PTPRN2: variants seen among roughly 807,000 people sequenced by gnomAD.
The protein encoded by PTPRN2 is receptor-type tyrosine-protein phosphatase N2.
A neutral mutation model predicts 118.8 loss-of-function variants in PTPRN2; 74 were observed. The observed-to-expected ratio is 0.62, with a 90% CI of 0.52 to 0.76. The LOEUF (loss-of-function observed/expected upper bound fraction) is 0.76. PTPRN2 is among the 30% of genes least tolerant of loss of function. PTPRN2 has a pLI of 0.00. For missense variants in PTPRN2, 1,481 were observed against 1,394.4 expected (o/e 1.06, Z -0.99); for synonymous variants, 641 against 608.0 (o/e 1.05, Z -0.80).
At chr7:158,048,698 A>G (rs530798577) in intron 11 of PTPRN2, among the ~76,000 whole-genome samples, 1 of 18,438 alleles carries the variant, frequency 5.4e-5, no homozygotes, top group East Asian at 1.1e-3. Context: ...TCACATCACA[A>G]CCACCATCAC....
chr7:157,957,176 G>A (rs990455876), intron 11 of PTPRN2, among the ~76,000 whole-genome samples: 2 of 152,214 alleles, frequency 1.3e-5, no homozygotes, highest in African/African-American at 4.8e-5. Flanking sequence ...GGGGACAAGA[G>A]TCACCCAAGG....
chr7:157,998,515 T>A (rs183907747), intron 11 of PTPRN2, among the ~76,000 whole-genome samples: 12 of 152,272 alleles, frequency 7.9e-5, no homozygotes, highest in African/African-American at 2.9e-4. Context: ...GTAGACCGAA[T>A]AAGCTACCTC....
intron 10 of PTPRN2, among the ~76,000 whole-genome samples, chr7:158,103,268 T>G (rs1815392231): frequency 6.6e-6 from 1 of 152,150 alleles, no homozygotes; most frequent in South Asian, 2.1e-4. Context: ...GTGCCAAAGA[T>G]ACAGGCCTGG....
intron 4 of PTPRN2, among the ~76,000 whole-genome samples, chr7:158,194,988 T>C (rs1826094470): frequency 6.6e-6 from 1 of 152,242 alleles, no homozygotes; most frequent in South Asian, 2.1e-4. Flanking sequence ...TTAATCAACT[T>C]CTTTAAATGT....
At chr7:158,456,678 C>T (rs1350793311) in intron 2 of PTPRN2, among the ~76,000 whole-genome samples, 1 of 152,256 alleles carries the variant, frequency 6.6e-6, no homozygotes, top group Admixed American at 6.5e-5. Flanking sequence ...GTCTCCCCTG[C>T]CACCCCTCCC....
intron 2 of PTPRN2, among the ~76,000 whole-genome samples, chr7:158,432,637 T>C (rs1816304664): frequency 6.6e-6 from 1 of 152,236 alleles, no homozygotes; most frequent in African/African-American, 2.4e-5. Flanking sequence ...AATATCACTT[T>C]ACAAACTTTT....
chr7:157,558,653 C>T (rs932944640), intron 21 of PTPRN2, among the ~76,000 whole-genome samples: 1 of 152,240 alleles, frequency 6.6e-6, no homozygotes, highest in Non-Finnish European at 1.5e-5. Flanking sequence ...AGCGGGGATG[C>T]GTGAAGCATG....
intron 11 of PTPRN2, among the ~76,000 whole-genome samples, chr7:157,910,514 C>T (rs748273490): frequency 1.3e-5 from 2 of 150,468 alleles, no homozygotes; most frequent in Admixed American, 6.6e-5. Flanking sequence ...GCCGTGGGAA[C>T]GGGTCCAGGA....
chr7:158,026,757 G>A (rs1807304164), intron 11 of PTPRN2, among the ~76,000 whole-genome samples: 1 of 152,140 alleles, frequency 6.6e-6, no homozygotes, highest in African/African-American at 2.4e-5. Flanking sequence ...AGACGTACAG[G>A]ACACCGGGAG....
intron 6 of PTPRN2, among the ~76,000 whole-genome samples, chr7:158,154,897 G>T (rs1020376715): frequency 2.0e-5 from 3 of 152,170 alleles, no homozygotes; most frequent in African/African-American, 7.2e-5. Flanking sequence ...TATCTCAGAA[G>T]CATCCACTAC....
At chr7:158,270,781 C>CTG (rs1325901775) in intron 3 of PTPRN2, among the ~76,000 whole-genome samples, 2 of 115,192 alleles carry the variant, frequency 1.7e-5, no homozygotes, top group Non-Finnish European at 1.8e-5. Flanking sequence ...TCCACCTGGA[C>CTG]CACCCCTCCA....
intron 11 of PTPRN2, among the ~76,000 whole-genome samples, chr7:158,039,973 CT>C (rs1159392253): frequency 6.6e-6 from 1 of 151,804 alleles, no homozygotes; most frequent in Non-Finnish European, 1.5e-5. Context: ...TGAGGAATGC[CT>C]TTGATGGGCT....
chr7:158,208,832 A>C (rs1460045831), intron 3 of PTPRN2, among the ~76,000 whole-genome samples: 1 of 152,104 alleles, frequency 6.6e-6, no homozygotes, highest in African/African-American at 2.4e-5. Context: ...TTATCAAATA[A>C]CTCCAACAAC....
intron 12 of PTPRN2, among the ~76,000 whole-genome samples, chr7:157,809,156 G>T (rs554081527): frequency 1.3e-5 from 2 of 152,400 alleles, no homozygotes; most frequent in East Asian, 3.9e-4. Context: ...GGTTTCGAAA[G>T]CTGAGTCAGT....
rs765504802 is a variant in PTPRN2 at position 157,785,099 on chromosome 7, G to T, written c.1789-102162C>A. Among the ~76,000 whole-genome samples the T allele has an allele frequency of 3.3e-5, 5 of 152,066 alleles. No homozygotes were observed. In the South Asian group the frequency reaches 1.0e-3, roughly 32 times the overall value. On this transcript the variant is annotated intron_variant, in intron 12 of 22. Transcript: ENST00000389418. This position sits in a 1 kb window ranked among gnomAD's most constrained non-coding sequence, Gnocchi z 7.3. ...ATAGGAGTTGAACAAAGCTGTGTGT[G>T]TGTTTCCAGAATGTTGGCACAGCGG...
At chr7:158,375,149 C>T (rs1209251166) in intron 2 of PTPRN2, among the ~76,000 whole-genome samples, 1 of 152,112 alleles carries the variant, frequency 6.6e-6, no homozygotes, top group African/African-American at 2.4e-5. Context: ...AGGCAGTGGC[C>T]GGCCAGAGCA....
intron 2 of PTPRN2, among the ~76,000 whole-genome samples, chr7:158,330,332 C>T (rs369923762): frequency 2.1e-4 from 3 of 14,282 alleles, no homozygotes; most frequent in African/African-American, 1.3e-3. Context: ...GTCACTCACA[C>T]CCACACTCTC....
intron 12 of PTPRN2, among the ~76,000 whole-genome samples, chr7:157,739,914 C>G (rs1800523779): frequency 6.6e-6 from 1 of 152,240 alleles, no homozygotes; most frequent in African/African-American, 2.4e-5. Context: ...GACAGAGCAG[C>G]TTTCCTCTGA....
intron 16 of PTPRN2, among the ~76,000 whole-genome samples, chr7:157,599,536 G>C (rs993623104): frequency 3.2e-4 from 48 of 152,146 alleles, no homozygotes; most frequent in African/African-American, 1.1e-3. Context: ...GAAAAACTTA[G>C]CCACAATTTC....
Sources: allele counts gnomAD v4.1 joint callset (sites outside exome capture counted in the v4.1 genomes callset), GRCh38; gene constraint gnomAD v4.1.1; non-coding constraint Gnocchi (gnomAD v3.1); transcripts MANE v1.5; gene names NCBI Gene and HGNC (gene_info 2026-07-23, HGNC 2026-07-21).